Variants in FAM168B observed in about 807,000 individuals in gnomAD.
The protein encoded by FAM168B is myelin-associated neurite-outgrowth inhibitor.
A neutral mutation model predicts 21.8 loss-of-function variants in FAM168B; 19 were observed. The observed-to-expected ratio is 0.87, with a 90% CI of 0.61 to 1.28. FAM168B has a LOEUF of 1.28. Ranked by LOEUF, FAM168B falls within the 50% of genes most tolerant of loss-of-function variation. The pLI is 0.00. For synonymous variants in FAM168B, 126 were observed against 104.8 expected, an observed-to-expected ratio of 1.20 and a Z score of -1.24; for missense variants, 233 against 263.1, an observed-to-expected ratio of 0.89 and a Z score of 0.79.
At position 131,055,573 on chromosome 2, in the gene FAM168B, G is replaced by T; in HGVS notation, c.277C>A (p.Gln93Lys). 14 of 1,605,166 alleles carry T rather than the reference G, an allele frequency of 8.7e-6. No homozygotes were observed. Among genetic ancestry groups the T allele is most frequent in the Non-Finnish European group, 1.1e-5 (13 of 1,175,468 alleles). The change falls in exon 4 of 7, where the codon CAG (glutamine) becomes AAG (lysine). Residue 93 changes from glutamine (Q) to lysine (K), a missense_variant. Coordinates refer to ENST00000389915, the MANE Select transcript of FAM168B (RefSeq NM_001009993.4). ...AVYPVRSAYP[Q>K]QSPYAQQGTY... is the part of the protein sequence containing the mutation. ...CATACCTGTGCATACGGGCTCTGCT[G>T]GGGGTAGGCACTTCGCACAGGGTAC...
At chr2:131,089,899 G>A (rs564778514) in intron 1 of FAM168B, among the ~76,000 whole-genome samples, 1 of 151,576 alleles carries the variant, frequency 6.6e-6, no homozygotes, top group Non-Finnish European at 1.5e-5. Flanking sequence ...AGCGGTGGTG[G>A]TGCACACCTG....
intron 1 of FAM168B, among the ~76,000 whole-genome samples, chr2:131,088,334 C>A (rs922202251): frequency 5.9e-5 from 9 of 151,452 alleles, no homozygotes; most frequent in African/African-American, 1.7e-4. Context: ...TGAATGACAC[C>A]ATGAAACAAT....
At chr2:131,068,643 C>G (rs1275192179) in intron 3 of FAM168B, among the ~76,000 whole-genome samples, 1 of 152,160 alleles carries the variant, frequency 6.6e-6, no homozygotes, top group African/African-American at 2.4e-5. Context: ...TTCTGGATTA[C>G]AGGAACAATT....
intron 2 of FAM168B, among the ~76,000 whole-genome samples, chr2:131,079,310 A>C (rs1238516268): frequency 1.3e-5 from 2 of 152,186 alleles, no homozygotes; most frequent in East Asian, 3.9e-4. Context: ...TCTACTAAAA[A>C]TACAAAAATT....
rs187212699 is a variant in FAM168B at position 131,070,991 on chromosome 2, G to A, written c.154+864C>T. ...GGAGCAGGAAGACCAAGTCAAGAAC[G>A]TTTTTCTCAGGGTGTGAACTACGGT... On this transcript the variant is annotated intron_variant, in intron 3 of 6. Coordinates refer to ENST00000389915, the MANE Select transcript of FAM168B (RefSeq NM_001009993.4). 3.3e-5 allele frequency among the ~76,000 whole-genome samples: 5 copies of A among 152,298 alleles called. No individual in the cohort carries two copies. In the East Asian group the frequency reaches 7.7e-4, roughly 23 times the overall value.
At chr2:131,073,202 C>G (rs1317610870) in intron 2 of FAM168B, among the ~76,000 whole-genome samples, 3 of 151,958 alleles carry the variant, frequency 2.0e-5, no homozygotes, top group African/African-American at 7.3e-5. Context: ...AAGCATTTCT[C>G]CTGCCTCAGT....
chr2:131,070,893 C>A (rs1692840463), intron 3 of FAM168B, among the ~76,000 whole-genome samples: 1 of 152,198 alleles, frequency 6.6e-6, no homozygotes, highest in Non-Finnish European at 1.5e-5. Context: ...TGGGAAACCA[C>A]TGAGAAAAAT....
chr2:131,090,964 T>C (rs1693987649), intron 1 of FAM168B, among the ~76,000 whole-genome samples: 1 of 152,198 alleles, frequency 6.6e-6, no homozygotes, highest in Non-Finnish European at 1.5e-5. Flanking sequence ...TCACCTGACC[T>C]CGTGATATGC....
Position 131,093,412 on chromosome 2 carries a change from C to T in FAM168B, c.-210G>A, listed in dbSNP as rs1332208484. The T allele has an allele frequency of 1.3e-5, 2 of 151,162 alleles. No individual in the cohort carries two copies. Among genetic ancestry groups the T allele is most frequent in the African/African-American group, 4.8e-5 (2 of 41,316 alleles). 9.4% of individuals were successfully genotyped at this position (151,162 alleles called of 1,614,324 possible). A position where few individuals can be genotyped will look rare whatever the true frequency, so the allele number is the denominator to read the frequency against. ...CTCCGCTTGGCCCGGCCCGCCTCTC[C>T]GCAGCCCGCGCTCCCCGCCGACGCT... On this transcript the variant is annotated 5_prime_UTR_variant, in exon 1 of 7. Coordinates refer to ENST00000389915, the MANE Select transcript of FAM168B (RefSeq NM_001009993.4).
chr2:131,053,094 C>A (rs1017878523), intron 5 of FAM168B, 79 bp from the exon 6 acceptor site: 3 of 1,453,974 alleles, frequency 2.1e-6, no homozygotes, highest in Admixed American at 6.1e-5. Context: ...ACAAGCCTGG[C>A]CTCTTTGCAA....
In FAM168B at chr2:131,051,965, T is replaced by C. The variant is rs974359746; in HGVS notation, c.*500A>G. 1.8e-5 allele frequency: 18 copies of C among 985,436 alleles called. No individual in the cohort carries two copies. The highest frequency in any genetic ancestry group is 2.2e-5 in the Non-Finnish European group (18 of 829,942). 61.0% of individuals were successfully genotyped at this position (985,436 alleles called of 1,614,324 possible). A position where few individuals can be genotyped will look rare whatever the true frequency, so the allele number is the denominator to read the frequency against. ...GGCAACCCACATCAACCCCAAAAGG[T>C]TGAAGAATCATCTAAGATATTTCAG... On this transcript the variant is annotated 3_prime_UTR_variant, in exon 7 of 7. Coordinates refer to ENST00000389915, the MANE Select transcript of FAM168B (RefSeq NM_001009993.4).
intron 3 of FAM168B, among the ~76,000 whole-genome samples, chr2:131,064,975 C>G (rs1692482579): frequency 6.6e-6 from 1 of 152,202 alleles, no homozygotes; most frequent in South Asian, 2.1e-4. Flanking sequence ...TCCAGGGACA[C>G]CGCAGTAGAT....
intron 3 of FAM168B, among the ~76,000 whole-genome samples, chr2:131,058,150 T>C (rs1692117799): frequency 6.6e-6 from 1 of 152,166 alleles, no homozygotes; most frequent in African/African-American, 2.4e-5. Context: ...TCCATATATT[T>C]TGTTTTAATT....
At position 131,052,215 on chromosome 2, in the gene FAM168B, T is replaced by C. The variant is rs1015344882; in HGVS notation, c.*250A>G. 1.0e-6 allele frequency: 1 copy of C among 985,858 alleles called. No homozygotes were observed. 61.1% of individuals were successfully genotyped at this position (985,858 alleles called of 1,614,324 possible). Reference sequence around the variant, plus strand: ...GATTCAGAATAGATTAATACTCCCTTTTTATCATTACAGTTAGCTAAAAAA... The same window carrying C: ...GATTCAGAATAGATTAATACTCCCTCTTTATCATTACAGTTAGCTAAAAAA... On this transcript the variant is annotated 3_prime_UTR_variant, in exon 7 of 7. Transcript: ENST00000389915.
At chr2:131,088,445 A>G (rs895797177) in intron 1 of FAM168B, among the ~76,000 whole-genome samples, 1 of 152,186 alleles carries the variant, frequency 6.6e-6, no homozygotes, top group Non-Finnish European at 1.5e-5. Flanking sequence ...GAGGAAGGCC[A>G]GATAATTCTA....
chr2:131,087,063 C>CAAAAA (rs70994735), intron 1 of FAM168B, among the ~76,000 whole-genome samples: 2 of 40,664 alleles, frequency 4.9e-5, no homozygotes, highest in Admixed American at 3.7e-4. Context: ...GACTCCGTCT[C>CAAAAA]AAAAAAAAAA....
At chr2:131,072,553 G>A (rs777849479) in intron 2 of FAM168B, among the ~76,000 whole-genome samples, 21 of 151,800 alleles carry the variant, frequency 1.4e-4, no homozygotes, top group Non-Finnish European at 2.4e-4. Context: ...TGCAACCTCC[G>A]TTTCAAGCGA....
At chr2:131,063,706 C>T (rs1573769639) in intron 3 of FAM168B, among the ~76,000 whole-genome samples, 1 of 152,160 alleles carries the variant, frequency 6.6e-6, no homozygotes, top group East Asian at 1.9e-4. Flanking sequence ...TTGAGCACAG[C>T]AATTCTGGGT....
chr2:131,068,900 C>T (rs1273774353), intron 3 of FAM168B, among the ~76,000 whole-genome samples: 1 of 152,164 alleles, frequency 6.6e-6, no homozygotes, highest in African/African-American at 2.4e-5. Context: ...CCTGTAATCC[C>T]AGCTACTCGG....
Sources: gnomAD v4.1 joint callset for allele counts (sites outside exome capture counted in the v4.1 genomes callset) on GRCh38, gnomAD v4.1.1 for gene constraint, MANE v1.5 for transcripts, NCBI Gene and HGNC (gene_info 2026-07-23, HGNC 2026-07-21) for gene names.